The following KREMEN1 variants were observed in gnomAD, a reference collection of about 807,000 sequenced individuals.
The protein encoded by KREMEN1 is kringle containing transmembrane protein 1, also known as kremen protein 1.
KREMEN1 carries 30 observed loss-of-function variants against 46.5 expected under a neutral mutation model. The observed-to-expected ratio is 0.65, with a 90% CI of 0.48 to 0.88. The LOEUF is 0.88. Ranked by LOEUF, KREMEN1 falls within the 40% of genes least tolerant of loss-of-function variation. The probability of loss-of-function intolerance (pLI) is 0.00; values close to 1 mark genes in which losing one functional copy is unlikely to be tolerated. For missense variants in KREMEN1, 533 were observed against 596.9 expected (o/e 0.89, Z 1.11); for synonymous variants, 214 against 230.6 (o/e 0.93, Z 0.65).
chr22:29,118,915 C>T (rs935108093), intron 3 of KREMEN1, among the ~76,000 whole-genome samples: 1 of 152,176 alleles, frequency 6.6e-6, no homozygotes, highest in Non-Finnish European at 1.5e-5. Context: ...GACTGCCCCC[C>T]ACTTCAGATG....
chr22:29,096,281 T>C (rs1271122674), intron 2 of KREMEN1, among the ~76,000 whole-genome samples: 1 of 152,202 alleles, frequency 6.6e-6, no homozygotes, highest in African/African-American at 2.4e-5. Context: ...TATCTCTTGG[T>C]AGTAGGCTGT....
chr22:29,107,713 G>C (rs542234563), intron 3 of KREMEN1, among the ~76,000 whole-genome samples: 1 of 152,178 alleles, frequency 6.6e-6, no homozygotes, highest in African/African-American at 2.4e-5. Flanking sequence ...GGGAGACCCT[G>C]TCTTTACAGA....
intron 2 of KREMEN1, 41 bp downstream of exon 2, chr22:29,094,461 T>A (rs1210059960): frequency 1.3e-6 from 2 of 1,549,566 alleles, no homozygotes; most frequent in African/African-American, 2.7e-5. Flanking sequence ...GATAGATATA[T>A]ATCTAGTCTC....
In KREMEN1 at chr22:29,125,355, C is replaced by T. The variant is rs779468460; in HGVS notation, c.570C>T (p.Ser190=). 26 of 1,614,022 alleles carry T rather than the reference C, an allele frequency of 1.6e-5. No homozygotes were observed. Among genetic ancestry groups the T allele is most frequent in the Non-Finnish European group, 2.0e-5 (24 of 1,180,016 alleles). Residue 190 remains serine, a synonymous_variant, in exon 5 of 9, where the codon AGC becomes AGT. Transcript: ENST00000400335. The part of the protein sequence containing the change: ...YGEAASTECN[S]VCFGDHTQPC... The stretch of plus-strand genomic sequence containing the variant: ...AGGCAGCCAGTACCGAATGCAACAG[C>T]GTCTGCTTCGGGGATCACACCCAAC...
At position 29,140,369 on chromosome 22, in the gene KREMEN1, G is replaced by A. The variant is rs772891214; in HGVS notation, c.1208+3G>A. The A allele has an allele frequency of 6.2e-6, 10 of 1,607,362 alleles. No individual in the cohort carries two copies. The highest frequency in any genetic ancestry group is 8.5e-6 in the Non-Finnish European group (10 of 1,173,886). On this transcript the variant is annotated splice_donor_region_variant and intron_variant, in intron 8 of 8. Transcript: ENST00000400335. The stretch of plus-strand genomic sequence containing the variant: ...ATACTTCTGCACGTCACATTCAAGT[G>A]AGTACAAGAGGGAGCTGCCCAATTC...
intron 5 of KREMEN1, among the ~76,000 whole-genome samples, chr22:29,125,845 G>A (rs1242939086): frequency 6.6e-6 from 1 of 151,950 alleles, no homozygotes; most frequent in East Asian, 1.9e-4. Flanking sequence ...TGAGGAGACA[G>A]CGTAGCTCTA....
chr22:29,117,725 A>G (rs2038265324), intron 3 of KREMEN1, among the ~76,000 whole-genome samples: 1 of 152,204 alleles, frequency 6.6e-6, no homozygotes, highest in South Asian at 2.1e-4. Flanking sequence ...CAAATGGAGA[A>G]AGGGAAAGGA....
chr22:29,094,511 A>C, intron 2 of KREMEN1, 91 bp downstream of exon 2: 2 of 1,163,212 alleles, frequency 1.7e-6, no homozygotes, highest in Non-Finnish European at 2.4e-6. Context: ...AACTAGGGGA[A>C]GTCTTTTGAC....
exon 10 of KREMEN1, chr22:29,167,191 C>CAAA: frequency 9.0e-7 from 1 of 1,116,638 alleles, no homozygotes. Context: ...TCTCCTCGCA[C>CAAA]AGAAATGGTG....
At chr22:29,118,799 C>T (rs2038285129) in intron 3 of KREMEN1, among the ~76,000 whole-genome samples, 1 of 152,172 alleles carries the variant, frequency 6.6e-6, no homozygotes, top group African/African-American at 2.4e-5. Flanking sequence ...TCTCTTCTAA[C>T]ACCAGATATA....
intron 8 of KREMEN1, among the ~76,000 whole-genome samples, chr22:29,141,039 AATGT>A: frequency 6.6e-6 from 1 of 152,202 alleles, no homozygotes; most frequent in East Asian, 1.9e-4. Context: ...CCTCCCTGAA[AATGT>A]ATGTATGTCC....
At chr22:29,117,567 CAAA>C (rs35241450) in intron 3 of KREMEN1, among the ~76,000 whole-genome samples, 4 of 135,970 alleles carry the variant, frequency 2.9e-5, no homozygotes, top group Admixed American at 7.1e-5. Context: ...ACTCCGTCTC[CAAA>C]AAAAAAAAAA....
chr22:29,100,365 T>C (rs1053675663), intron 3 of KREMEN1, among the ~76,000 whole-genome samples: 8 of 151,940 alleles, frequency 5.3e-5, no homozygotes, highest in African/African-American at 1.7e-4. Context: ...CCGCCCGCCT[T>C]GGCCTCCCAA....
intron 9 of KREMEN1, among the ~76,000 whole-genome samples, chr22:29,162,609 T>G (rs1464589475): frequency 1.3e-5 from 2 of 151,634 alleles, no homozygotes; most frequent in Non-Finnish European, 2.9e-5. Context: ...TCTCAGCTAC[T>G]CGGGAGGCAG....
chr22:29,098,583 A>G (rs1005358789), intron 2 of KREMEN1, among the ~76,000 whole-genome samples: 1 of 152,252 alleles, frequency 6.6e-6, no homozygotes, highest in African/African-American at 2.4e-5. Context: ...TGATGTGTGC[A>G]GTGGCCATTT....
In KREMEN1 at chr22:29,142,737, A is replaced by G. The variant is rs189783539; in HGVS notation, c.*625A>G. 39 of 985,482 alleles carry G rather than the reference A, an allele frequency of 4.0e-5. No homozygotes were observed. The Admixed American group carries it at 6.1e-4, about 16-fold the overall frequency. 61.0% of individuals were successfully genotyped at this position (985,482 alleles called of 1,614,324 possible). ...CTTCAGCCTGGGAGGGTCTGAGAAT[A>G]AGATCTAGTGACCCCCATTTATATC... On this transcript the variant is annotated 3_prime_UTR_variant, in exon 9 of 9. Transcript: ENST00000400335.
chr22:29,145,713 CCCCACGTCAGGACAGGCT>C lies in KREMEN1; in HGVS notation c.*3602_*3619del. On this transcript the variant is annotated 3_prime_UTR_variant, in exon 9 of 9. Transcript: ENST00000400335. ...CCCGAGTGACTTCACCCGCCCTGTC[CCCCACGTCAGGACAGGCT>C]TGAGGCCTCTCTGGGCGTGAGCGAG... 1.0e-6 allele frequency: 1 copy of C among 985,534 alleles called. No homozygotes were observed. Among genetic ancestry groups the C allele is most frequent in the Non-Finnish European group, 1.2e-6 (1 of 830,002 alleles). 61.0% of individuals were successfully genotyped at this position (985,534 alleles called of 1,614,324 possible).
intron 3 of KREMEN1, among the ~76,000 whole-genome samples, chr22:29,113,601 G>A (rs1465548291): frequency 1.3e-5 from 2 of 152,146 alleles, no homozygotes; most frequent in African/African-American, 2.4e-5. Context: ...TTTGAGGTCC[G>A]TATTGATTCT....
rs887239974 is a variant in KREMEN1, at chr22:29,119,369, C to T, written c.353-1988C>T. Among the ~76,000 whole-genome samples, 11 of 152,114 alleles carry T rather than the reference C, an allele frequency of 7.2e-5. No individual in the cohort carries two copies. The East Asian group carries it at 1.2e-3, about 16-fold the overall frequency. Reference sequence around the variant, plus strand: ...AAATGGCATCTTTTAGGAATTTTAACGATGGCTTCATTACATAGGCATGAT... The same window carrying T: ...AAATGGCATCTTTTAGGAATTTTAATGATGGCTTCATTACATAGGCATGAT... On this transcript the variant is annotated intron_variant, in intron 3 of 8. Transcript: ENST00000400335.
Sources: gnomAD v4.1 joint callset for allele counts (sites outside exome capture counted in the v4.1 genomes callset) on GRCh38, gnomAD v4.1.1 for gene constraint, MANE v1.5 for transcripts, NCBI Gene and HGNC (gene_info 2026-07-23, HGNC 2026-07-21) for gene names.